Variants in PTGER3 observed in about 807,000 individuals in gnomAD.
The protein encoded by PTGER3 is prostaglandin E2 receptor EP3 subtype.
In PTGER3, 22 loss-of-function variants were observed where a neutral mutation model predicts 34.7. The ratio of observed to expected loss-of-function variants is 0.63; its 90% confidence interval spans 0.45 to 0.91. PTGER3 has a LOEUF of 0.91. Among genes scored for constraint, PTGER3 ranks in the 40% least tolerant of loss-of-function variants. The probability of loss-of-function intolerance (pLI) is 0.00; values close to 1 mark genes in which losing one functional copy is unlikely to be tolerated. For missense variants in PTGER3, 468 were observed against 519.4 expected (o/e 0.90, Z 0.96); for synonymous variants, 241 against 230.1 (o/e 1.05, Z -0.43).
At chr1:70,933,957 G>A (rs1477764567) in intron 4 of PTGER3, among the ~76,000 whole-genome samples, 2 of 152,152 alleles carry the variant, frequency 1.3e-5, no homozygotes, top group South Asian at 4.1e-4. Context: ...GTTGAAGTAT[G>A]CTCTAAGTGC....
At chr1:70,883,221 G>GAA (rs796604240) in intron 4 of PTGER3, among the ~76,000 whole-genome samples, 1 of 152,030 alleles carries the variant, frequency 6.6e-6, no homozygotes, top group African/African-American at 2.4e-5. Flanking sequence ...TTTATGCCTA[G>GAA]AAAAAAACCT....
chr1:70,872,082 A>G (rs1646175227), intron 4 of PTGER3, among the ~76,000 whole-genome samples: 1 of 152,220 alleles, frequency 6.6e-6, no homozygotes, highest in African/African-American at 2.4e-5. Flanking sequence ...AAGAAGTGTG[A>G]CAGTTGACTT....
At chr1:71,023,497 A>C (rs946251810) in intron 1 of PTGER3, among the ~76,000 whole-genome samples, 2 of 151,878 alleles carry the variant, frequency 1.3e-5, no homozygotes, top group Non-Finnish European at 2.9e-5. Flanking sequence ...CAATGGCTTC[A>C]AACCCCATTT....
intron 1 of PTGER3, among the ~76,000 whole-genome samples, chr1:71,023,285 A>T (rs1658588681): frequency 6.6e-6 from 1 of 151,868 alleles, no homozygotes; most frequent in African/African-American, 2.4e-5. Flanking sequence ...CTCTTGAAAC[A>T]TTCTCTTCCC....
At chr1:70,936,435 G>T (rs927518659) in intron 4 of PTGER3, among the ~76,000 whole-genome samples, 3 of 152,134 alleles carry the variant, frequency 2.0e-5, no homozygotes, top group African/African-American at 7.2e-5. Flanking sequence ...ATCATTTAAT[G>T]AAACAATTTT....
At chr1:71,007,178 A>G (rs1334034272) in intron 2 of PTGER3, 3 of 985,830 alleles carry the variant, frequency 3.0e-6, no homozygotes, top group Non-Finnish European at 3.6e-6. Flanking sequence ...ACTGATCTTT[A>G]CAATATGGAT....
chr1:70,989,284 G>T (rs2300166), intron 2 of PTGER3, among the ~76,000 whole-genome samples: 17 of 151,946 alleles, frequency 1.1e-4, no homozygotes, highest in Admixed American at 7.2e-4. Flanking sequence ...CATTTTCTAC[G>T]CAGGGAAGTT....
At chr1:70,935,168 A>C (rs1178889629) in intron 4 of PTGER3, among the ~76,000 whole-genome samples, 2 of 152,194 alleles carry the variant, frequency 1.3e-5, no homozygotes, top group Non-Finnish European at 2.9e-5. Flanking sequence ...GGGAAGAAGC[A>C]CATTAAATTC....
intron 4 of PTGER3, among the ~76,000 whole-genome samples, chr1:70,856,368 A>G (rs1016744759): frequency 1.7e-4 from 24 of 145,356 alleles, no homozygotes; most frequent in African/African-American, 6.0e-4. Context: ...TGAGCCGCTG[A>G]GGTGGAAGTT....
At chr1:70,952,461 C>A in exon 4 of PTGER3, 1 of 985,830 alleles carries the variant, frequency 1.0e-6, no homozygotes, top group African/African-American at 1.7e-5. Flanking sequence ...GTTTTAATAA[C>A]CTGAACAAAT....
intron 4 of PTGER3, among the ~76,000 whole-genome samples, chr1:70,866,400 A>G (rs917237384): frequency 6.6e-6 from 1 of 152,188 alleles, no homozygotes; most frequent in Non-Finnish European, 1.5e-5. Flanking sequence ...TCAGAGGCCA[A>G]TTACATCTTC....
At chr1:70,921,770 A>G (rs1172971029) in intron 4 of PTGER3, among the ~76,000 whole-genome samples, 2 of 152,172 alleles carry the variant, frequency 1.3e-5, no homozygotes, top group East Asian at 1.9e-4. Context: ...TGCCATCACA[A>G]TGGCAGCCCG....
chr1:70,998,193 C>T (rs1656152917), intron 2 of PTGER3: 1 of 152,140 alleles, frequency 6.6e-6, no homozygotes, highest in Non-Finnish European at 1.5e-5. Flanking sequence ...TTTACAAAGA[C>T]AAATATTTGA....
At chr1:70,854,031 A>T (rs1409160024) in intron 4 of PTGER3, among the ~76,000 whole-genome samples, 1 of 152,202 alleles carries the variant, frequency 6.6e-6, no homozygotes, top group East Asian at 1.9e-4. Flanking sequence ...TAAGAAGAAC[A>T]CAGGAGAAAA....
At position 70,873,513 on chromosome 1, in the gene PTGER3, C is replaced by T. The variant is rs545192879; in HGVS notation, c.*24-20654G>A. Among the ~76,000 whole-genome samples, 19 of 152,170 alleles carry T rather than the reference C, an allele frequency of 1.2e-4. 1 individual carries two copies. In the South Asian group the frequency reaches 2.9e-3, roughly 23 times the overall value. Reference sequence around the variant, plus strand: ...TCTGTGTACTCTGACATTCTTACAACGTATTTTCTAGACTAAATTGTATAA... The same window carrying T: ...TCTGTGTACTCTGACATTCTTACAATGTATTTTCTAGACTAAATTGTATAA... On this transcript the variant is annotated intron_variant, in intron 4 of 4. Coordinates refer to the PTGER3 transcript ENST00000370931.
chr1:70,868,732 C>G (rs1352659838), intron 4 of PTGER3, among the ~76,000 whole-genome samples: 1 of 152,124 alleles, frequency 6.6e-6, no homozygotes, highest in Non-Finnish European at 1.5e-5. Context: ...TAAAATGGAA[C>G]ATTAGTGGAA....
chr1:71,041,364 A>T (rs1370627592), intron 1 of PTGER3, among the ~76,000 whole-genome samples: 1 of 152,170 alleles, frequency 6.6e-6, no homozygotes, highest in Non-Finnish European at 1.5e-5. Flanking sequence ...TGCATCACCA[A>T]AGAGTATCAT....
intron 2 of PTGER3, among the ~76,000 whole-genome samples, chr1:70,995,086 A>T (rs1317436109): frequency 6.6e-6 from 1 of 152,188 alleles, no homozygotes; most frequent in Non-Finnish European, 1.5e-5. Context: ...TTATGGATGT[A>T]CAAAAGAGGG....
intron 4 of PTGER3, among the ~76,000 whole-genome samples, chr1:70,899,966 A>G (rs1043498867): frequency 5.9e-5 from 9 of 152,120 alleles, no homozygotes; most frequent in African/African-American, 2.2e-4. Flanking sequence ...AATTTTGAAT[A>G]TGTCAGAAGC....
Sources: gnomAD v4.1 joint callset for allele counts (sites outside exome capture counted in the v4.1 genomes callset) on GRCh38, gnomAD v4.1.1 for gene constraint, MANE v1.5 for transcripts, NCBI Gene and HGNC (gene_info 2026-07-23, HGNC 2026-07-21) for gene names.